Variants in CTIF observed in about 807,000 individuals in gnomAD.
CTIF encodes the protein cap binding complex dependent translation initiation factor.
Under a neutral mutation model 66.0 loss-of-function variants are expected in CTIF, and 21 were observed. The ratio of observed to expected loss-of-function variants is 0.32; its 90% CI spans 0.23 to 0.46. The LOEUF (loss-of-function observed/expected upper bound fraction) is 0.46. CTIF is among the 20% of genes least tolerant of loss of function. The pLI is 1.00. For synonymous variants in CTIF, 345 were observed against 326.4 expected (o/e 1.06, Z -0.62); for missense variants, 739 against 812.7 (o/e 0.91, Z 1.10).
rs150926312 is a variant in CTIF, at chr18:48,604,074, G to T, written c.-28-15464G>T. On this transcript the variant is annotated intron_variant, in intron 1 of 11. Coordinates refer to ENST00000256413, the MANE Select transcript of CTIF (RefSeq NM_014772.3). ...TGTTGCCCATGAGCTGAACTCCTGAGCTCAGGCAATCTGCCCACCTCGGCC... is the reference window on the plus strand; with the variant it reads ...TGTTGCCCATGAGCTGAACTCCTGATCTCAGGCAATCTGCCCACCTCGGCC... Among the ~76,000 whole-genome samples the T allele has an allele frequency of 4.0e-3, 600 of 150,054 alleles. 4 individuals are homozygous for T. The highest frequency in any genetic ancestry group is 0.014 in the African/African-American group (570 of 40,804).
At chr18:48,777,290 C>T (rs1266345289) in intron 9 of CTIF, among the ~76,000 whole-genome samples, 2 of 152,200 alleles carry the variant, frequency 1.3e-5, no homozygotes, top group Non-Finnish European at 2.9e-5. Context: ...TTCCTGCCTG[C>T]GGCCACCTCC....
chr18:48,744,433 CTT>C (rs1208880239), intron 7 of CTIF, among the ~76,000 whole-genome samples: 18 of 152,154 alleles, frequency 1.2e-4, no homozygotes. Flanking sequence ...TTTTTAAAAA[CTT>C]TTGATTCTGA....
chr18:48,715,534 T>C (rs556053870), intron 7 of CTIF, among the ~76,000 whole-genome samples: 9 of 152,260 alleles, frequency 5.9e-5, no homozygotes, highest in Middle Eastern at 3.4e-3. Context: ...CTCAAAGCTT[T>C]CTGCCCAGAG....
intron 10 of CTIF, among the ~76,000 whole-genome samples, chr18:48,817,627 T>G (rs1389480325): frequency 6.6e-6 from 1 of 151,974 alleles, no homozygotes; most frequent in Non-Finnish European, 1.5e-5. Flanking sequence ...AATGCAAAAA[T>G]TAACCAGGCG....
intron 6 of CTIF, among the ~76,000 whole-genome samples, chr18:48,705,234 T>C (rs2092136672): frequency 6.6e-6 from 1 of 152,136 alleles, no homozygotes; most frequent in Non-Finnish European, 1.5e-5. Context: ...CTTCCAAGGC[T>C]CTAGGGGAGG....
At chr18:48,550,217 C>T (rs910820240) in intron 1 of CTIF, among the ~76,000 whole-genome samples, 1 of 152,122 alleles carries the variant, frequency 6.6e-6, no homozygotes, top group Non-Finnish European at 1.5e-5. Context: ...GGTGGAGAAC[C>T]CCAGTAGGCA....
intron 1 of CTIF, among the ~76,000 whole-genome samples, chr18:48,618,496 C>G (rs1026225439): frequency 2.6e-5 from 4 of 152,196 alleles, no homozygotes; most frequent in Non-Finnish European, 4.4e-5. Context: ...AAAAGAGGCA[C>G]AAGGCAAGCT....
intron 7 of CTIF, among the ~76,000 whole-genome samples, chr18:48,716,789 C>A (rs1191483283): frequency 6.6e-6 from 1 of 152,196 alleles, no homozygotes; most frequent in Non-Finnish European, 1.5e-5. Flanking sequence ...TCCATCGCAC[C>A]GTGCCTGTGC....
At chr18:48,670,491 C>G (rs2144998402) in intron 5 of CTIF, 178 bp from the exon 6 acceptor site, 1 of 565,792 alleles carries the variant, frequency 1.8e-6, no homozygotes, top group South Asian at 2.0e-5. Flanking sequence ...GAGGACCCCC[C>G]CCCCACACAC....
At position 48,588,607 on chromosome 18, in the gene CTIF, T is replaced by C. The variant is rs1249485345; in HGVS notation, c.-28-30931T>C. Among the ~76,000 whole-genome samples the C allele has an allele frequency of 2.0e-5, 3 of 147,438 alleles. No individual in the cohort carries two copies. In the East Asian group the frequency reaches 6.5e-4, roughly 32 times the overall value. On this transcript the variant is annotated intron_variant, in intron 1 of 11. Coordinates refer to ENST00000256413, the MANE Select transcript of CTIF (RefSeq NM_014772.3). ...ACCCCTGCCCCCACCCTCCCTGACCTGTCTGTCCTGCCCCTGCCCGGCTCG... is the reference window on the plus strand; with the variant it reads ...ACCCCTGCCCCCACCCTCCCTGACCCGTCTGTCCTGCCCCTGCCCGGCTCG...
chr18:48,734,613 T>C (rs1020475629), intron 7 of CTIF, among the ~76,000 whole-genome samples: 1 of 152,060 alleles, frequency 6.6e-6, no homozygotes, highest in African/African-American at 2.4e-5. Flanking sequence ...TTCATTGGGG[T>C]TCATTTGCAT....
chr18:48,674,166 A>G (rs1050386936), intron 6 of CTIF, among the ~76,000 whole-genome samples: 3 of 152,244 alleles, frequency 2.0e-5, no homozygotes, highest in East Asian at 1.9e-4. Context: ...AATTGATCAC[A>G]TAAGATACAG....
At chr18:48,728,528 T>C (rs1598935282) in intron 7 of CTIF, among the ~76,000 whole-genome samples, 1 of 152,118 alleles carries the variant, frequency 6.6e-6, no homozygotes. Context: ...TCTCGTGAGA[T>C]TGTGGTCAGG....
chr18:48,773,411 C>A (rs1356010731), intron 9 of CTIF, among the ~76,000 whole-genome samples: 2 of 152,212 alleles, frequency 1.3e-5, no homozygotes, highest in African/African-American at 2.4e-5. Context: ...CATTTCCCTG[C>A]CCTACTCTCA....
At chr18:48,683,416 G>T (rs1048414386) in intron 6 of CTIF, among the ~76,000 whole-genome samples, 1 of 149,778 alleles carries the variant, frequency 6.7e-6, no homozygotes, top group Non-Finnish European at 1.5e-5. Flanking sequence ...CGAGCAGGGG[G>T]CACAAGGGAC....
At chr18:48,604,163 T>C (rs1187886818) in intron 1 of CTIF, among the ~76,000 whole-genome samples, 1 of 131,730 alleles carries the variant, frequency 7.6e-6, no homozygotes, top group African/African-American at 2.8e-5. Context: ...ATTTTTTTTT[T>C]AAGGGTTTTT....
At chr18:48,782,627 C>T (rs999772813) in intron 9 of CTIF, among the ~76,000 whole-genome samples, 5 of 152,204 alleles carry the variant, frequency 3.3e-5, no homozygotes, top group African/African-American at 4.8e-5. Flanking sequence ...GATCCCAGGC[C>T]CTCAGTGCAC....
chr18:48,859,990 C>A lies in CTIF; in HGVS notation c.*431C>A. On this transcript the variant is annotated 3_prime_UTR_variant, in exon 12 of 12. Coordinates refer to ENST00000256413, the MANE Select transcript of CTIF (RefSeq NM_014772.3). ...GAAGGCTGAAAAAGTGGGTCGGAGA[C>A]GGGCTCGCATTGTTCCCGCATGCTG... The A allele has an allele frequency of 2.2e-6, 1 of 460,838 alleles. No homozygotes were observed. The highest frequency in any genetic ancestry group is 1.5e-5 in the South Asian group (1 of 64,568). 28.5% of individuals were successfully genotyped at this position (460,838 alleles called of 1,614,324 possible).
chr18:48,721,121 CG>C (rs1480433394), intron 7 of CTIF, among the ~76,000 whole-genome samples: 1 of 152,192 alleles, frequency 6.6e-6, no homozygotes, highest in Non-Finnish European at 1.5e-5. Flanking sequence ...TACTCTTTCT[CG>C]ATCACAATAA....
Sources: allele counts gnomAD v4.1 joint callset (sites outside exome capture counted in the v4.1 genomes callset), GRCh38; gene constraint gnomAD v4.1.1; transcripts MANE v1.5; gene names NCBI Gene and HGNC (gene_info 2026-07-23, HGNC 2026-07-21).